The following ADGRE3 variants were observed in gnomAD, a reference collection of about 807,000 sequenced individuals.
The protein encoded by ADGRE3 is adhesion G protein-coupled receptor E3, also known as EGF-like module receptor 3.
ADGRE3 carries 88 observed loss-of-function variants against 80.1 expected under a neutral mutation model. The observed-to-expected ratio is 1.10, with a 90% confidence interval of 0.93 to 1.31. The LOEUF is 1.31. Ranked by LOEUF, ADGRE3 falls within the 40% of genes most tolerant of loss-of-function variation. The probability of loss-of-function intolerance (pLI) is 0.00; values close to 1 mark genes in which losing one functional copy is unlikely to be tolerated. For synonymous variants in ADGRE3, 281 were observed against 294.8 expected (o/e 0.95, Z 0.48); for missense variants, 715 against 776.5 (o/e 0.92, Z 0.94).
At chr19:14,609,133 T>G in the ADGRE3 span, among the ~76,000 whole-genome samples, 2 of 152,056 alleles carry the variant, frequency 1.3e-5, no homozygotes, top group East Asian at 3.9e-4. Flanking sequence ...CAGGAATGCT[T>G]TTTCCGCAAA....
At chr19:14,641,347 T>C (rs1971241006) in intron 10 of ADGRE3, 72 bp downstream of exon 10, 1 of 1,568,810 alleles carries the variant, frequency 6.4e-7, no homozygotes. Context: ...TTAAGGAATC[T>C]AGTGCAGCAT....
chr19:14,644,322 TTTC>T (rs1340587239), intron 8 of ADGRE3, 47 bp from the exon 9 acceptor site: 17 of 1,346,618 alleles, frequency 1.3e-5, no homozygotes, highest in Admixed American at 5.7e-5. Flanking sequence ...TCTTTCTTTC[TTTC>T]TTTTTTTTTT....
At chr19:14,607,180 T>A in the ADGRE3 span, 1 of 560,720 alleles carries the variant, frequency 1.8e-6, no homozygotes, top group Non-Finnish European at 2.6e-6. Context: ...GGTGATGGAG[T>A]ACATGGTTGA....
At chr19:14,661,696 C>A (rs564500744) in intron 4 of ADGRE3, among the ~76,000 whole-genome samples, 1 of 152,250 alleles carries the variant, frequency 6.6e-6, no homozygotes, top group East Asian at 1.9e-4. Flanking sequence ...GAAGGACTGC[C>A]GCCTGTAAAA....
Position 14,632,944 on chromosome 19 carries a change from T to C in ADGRE3, c.1620A>G (p.Glu540=). ...LKRKLSSLNS[E]VSTIQNTRML... ...ACCTTGTGTTCTGGATGGTTGACAC[T>C]TCACTATTGAGGGAGGAAAGTTTTC... Residue 540 remains glutamate, a synonymous_variant, in exon 13 of 16, where the codon GAA becomes GAG. Transcript: ENST00000253673. 1 of 1,613,230 alleles carries C rather than the reference T, an allele frequency of 6.2e-7. No individual in the cohort carries two copies. Among genetic ancestry groups the C allele is most frequent in the Non-Finnish European group, 8.5e-7 (1 of 1,179,210 alleles).
the ADGRE3 span, among the ~76,000 whole-genome samples, chr19:14,609,399 A>G: frequency 1.1e-4 from 17 of 152,124 alleles, no homozygotes; most frequent in Non-Finnish European, 4.4e-5. Flanking sequence ...ACATCCTTTA[A>G]TAAATCCTAC....
chr19:14,610,413 A>G, the ADGRE3 span: 1 of 589,518 alleles, frequency 1.7e-6, no homozygotes, highest in East Asian at 3.0e-5. Context: ...AGCTGGGAGG[A>G]TGCTCAGAGC....
intron 1 of ADGRE3, among the ~76,000 whole-genome samples, chr19:14,674,476 G>A (rs1277407262): frequency 6.6e-6 from 1 of 152,016 alleles, no homozygotes; most frequent in Non-Finnish European, 1.5e-5. Flanking sequence ...CAACCTGGGT[G>A]ACAGAGTGAG....
intron 13 of ADGRE3, among the ~76,000 whole-genome samples, chr19:14,631,526 T>C (rs946433493): frequency 2.0e-5 from 3 of 151,366 alleles, no homozygotes; most frequent in African/African-American, 7.3e-5. Flanking sequence ...TATGTACATA[T>C]ATATTTTATA....
chr19:14,608,866 C>T, the ADGRE3 span, among the ~76,000 whole-genome samples: 1 of 149,566 alleles, frequency 6.7e-6, no homozygotes, highest in Non-Finnish European at 1.5e-5. Context: ...GTGGCACAAT[C>T]TTGGCTCACT....
intron 15 of ADGRE3, among the ~76,000 whole-genome samples, chr19:14,620,258 C>T (rs1361720553): frequency 6.6e-6 from 1 of 151,468 alleles, no homozygotes; most frequent in African/African-American, 2.4e-5. Flanking sequence ...TATTTTGTTG[C>T]CCAGGCAGGT....
At position 14,674,819 on chromosome 19, in the gene ADGRE3, T is replaced by C; in HGVS notation, c.-49A>G. 6.2e-7 allele frequency: 1 copy of C among 1,605,094 alleles called. No homozygotes were observed. Among genetic ancestry groups the C allele is most frequent in the Non-Finnish European group, 8.5e-7 (1 of 1,175,232 alleles). On this transcript the variant is annotated 5_prime_UTR_variant, in exon 1 of 16. Transcript: ENST00000253673. ...CCAGCCAGCCCTGGAAGCTCTCTAC[T>C]GTGCCGTAAGCCAACCACCTTTCCT...
At chr19:14,657,062 A>G (rs1297536933) in intron 5 of ADGRE3, among the ~76,000 whole-genome samples, 13 of 151,640 alleles carry the variant, frequency 8.6e-5, no homozygotes, top group Admixed American at 6.6e-4. Flanking sequence ...TGCCCGGCTA[A>G]TTTTTGTGTT....
At chr19:14,661,903 A>G in intron 4 of ADGRE3, 60 bp downstream of exon 4, 1 of 1,568,032 alleles carries the variant, frequency 6.4e-7, no homozygotes, top group Non-Finnish European at 8.7e-7. Flanking sequence ...ACAAAACAAA[A>G]CAAACAAACA....
At chr19:14,618,214 G>A (rs1030698662), downstream of ADGRE3, among the ~76,000 whole-genome samples, 7 of 151,868 alleles carry the variant, frequency 4.6e-5, no homozygotes, top group Admixed American at 6.6e-5. Context: ...ATTAATATAC[G>A]ATTACCTCAT....
intron 7 of ADGRE3, among the ~76,000 whole-genome samples, chr19:14,650,629 ATCTCTCTCTC>A (rs376333448): frequency 0.012 from 292 of 24,728 alleles, no homozygotes; most frequent in East Asian, 0.033. Flanking sequence ...CTCTGTCTCC[ATCTCTCTCTC>A]TCTCTCTCTC....
chr19:14,650,952 A>T, intron 7 of ADGRE3, 133 bp downstream of exon 7: 5 of 929,170 alleles, frequency 5.4e-6, no homozygotes, highest in Non-Finnish European at 7.9e-6. Context: ...TTTTTTTTAA[A>T]GGGAAAATCT....
chr19:14,608,510 A>T, the ADGRE3 span, among the ~76,000 whole-genome samples: 1 of 152,212 alleles, frequency 6.6e-6, no homozygotes, highest in Admixed American at 6.6e-5. Context: ...CTGGACCCTG[A>T]ACCTTCAATA....
chr19:14,631,565 T>C (rs1970882302), intron 13 of ADGRE3, among the ~76,000 whole-genome samples: 1 of 151,216 alleles, frequency 6.6e-6, no homozygotes, highest in Non-Finnish European at 1.5e-5. Flanking sequence ...AATCACAATA[T>C]ATAGTGATAG....
Sources: gnomAD v4.1 joint callset for allele counts (sites outside exome capture counted in the v4.1 genomes callset) on GRCh38, gnomAD v4.1.1 for gene constraint, MANE v1.5 for transcripts, NCBI Gene and HGNC (gene_info 2026-07-23, HGNC 2026-07-21) for gene names.